Variants in MRAP2 observed in about 807,000 individuals in gnomAD.
MRAP2 encodes the protein melanocortin 2 receptor accessory protein 2.
MRAP2 carries 20 observed loss-of-function variants against 17.4 expected under a neutral mutation model. That is an observed-to-expected ratio of 1.15 (90% CI 0.81 to 1.67). The LOEUF is 1.67. Ranked by LOEUF, MRAP2 falls within the 40% of genes most tolerant of loss-of-function variation. MRAP2 has a pLI of 0.00. For synonymous variants in MRAP2, 96 were observed against 88.4 expected, an observed-to-expected ratio of 1.09 and a Z score of -0.48; for missense variants, 238 against 240.0, an observed-to-expected ratio of 0.99 and a Z score of 0.05.
chr6:84,073,046 A>G (rs958781713), intron 3 of MRAP2, among the ~76,000 whole-genome samples: 1 of 152,132 alleles, frequency 6.6e-6, no homozygotes, highest in Admixed American at 6.5e-5. Context: ...CCACCTATGG[A>G]GTCTGCACAC....
chr6:84,144,263 C>T, the MRAP2 span, among the ~76,000 whole-genome samples: 1 of 151,904 alleles, frequency 6.6e-6, no homozygotes, highest in Non-Finnish European at 1.5e-5. Context: ...GTTTAATCTT[C>T]TTTGAGTTAT....
chr6:84,045,100 C>A, intron 1 of MRAP2: 1 of 392,900 alleles, frequency 2.5e-6, no homozygotes, highest in Non-Finnish European at 3.5e-6. Flanking sequence ...AGGTTCTATG[C>A]AAATACTACA....
At chr6:84,129,074 C>T in the MRAP2 span, among the ~76,000 whole-genome samples, 2 of 152,148 alleles carry the variant, frequency 1.3e-5, no homozygotes, top group African/African-American at 4.8e-5. Context: ...GCCACATTGT[C>T]TTTATCCAAT....
In MRAP2 at chr6:84,055,392, A is replaced by G. The variant is rs754918660; in HGVS notation, c.74A>G (p.Tyr25Cys). Residue 25 changes from tyrosine to cysteine, a missense_variant, in exon 2 of 4, where the codon TAT becomes TGT. Physicochemically the swap from Tyr to Cys is radical, Grantham distance 194. Transcript: ENST00000257776. ...TCTAATTCTGATTACACCTGGGAAT[A>G]TGAATATTATGAGATTGGACCAGTT... The part of the protein sequence containing the change: ...SASNSDYTWE[Y>C]EYYEIGPVSF... 3.1e-6 allele frequency: 5 copies of G among 1,613,238 alleles called. No homozygotes were observed. Among genetic ancestry groups the G allele is most frequent in the Non-Finnish European group, 2.5e-6 (3 of 1,179,574 alleles).
chr6:84,083,356 T>G (rs57006418), intron 3 of MRAP2, among the ~76,000 whole-genome samples: 21,868 of 152,218 alleles, frequency 0.14, 1,618 homozygotes, highest in Middle Eastern at 0.23. Flanking sequence ...TTATTTCCCT[T>G]TTGATCATTT....
At chr6:84,056,058 A>T (rs1268958860) in intron 2 of MRAP2, among the ~76,000 whole-genome samples, 2 of 152,232 alleles carry the variant, frequency 1.3e-5, no homozygotes, top group Non-Finnish European at 2.9e-5. Context: ...CTGACTGGCC[A>T]GCATGGAACA....
chr6:84,035,118 C>T (rs1193110560), intron 1 of MRAP2, among the ~76,000 whole-genome samples: 4 of 152,142 alleles, frequency 2.6e-5, no homozygotes, highest in East Asian at 3.9e-4. Context: ...GAGTTGCTTC[C>T]AGTCTGTATC....
chr6:84,067,729 TG>T (rs370696194), intron 3 of MRAP2, among the ~76,000 whole-genome samples: 23 of 133,394 alleles, frequency 1.7e-4, no homozygotes, highest in East Asian at 6.0e-4. Flanking sequence ...TGGATGGAAT[TG>T]TTTTTTTTTT....
At position 84,055,636 on chromosome 6, in the gene MRAP2, G is replaced by A. The variant is rs78570198; in HGVS notation, c.127+191G>A. Among the ~76,000 whole-genome samples, 641 of 152,226 alleles carry A rather than the reference G, an allele frequency of 4.2e-3. 6 individuals are homozygous for A. The highest frequency in any genetic ancestry group is 5.9e-3 in the Non-Finnish European group (398 of 68,020). Reference sequence around the variant, plus strand: ...TCAGGAATGGTACAGGAGGGCCTTGGTGATTCTAATTGATGAAAGACTAAA... The same window carrying A: ...TCAGGAATGGTACAGGAGGGCCTTGATGATTCTAATTGATGAAAGACTAAA... On this transcript the variant is annotated intron_variant, in intron 2 of 3. Transcript: ENST00000257776.
At chr6:84,125,213 T>C in the MRAP2 span, 1 of 1,613,592 alleles carries the variant, frequency 6.2e-7, no homozygotes, top group Non-Finnish European at 8.5e-7. Context: ...TGTGCCAGTC[T>C]TTTCCATTTT....
intron 2 of MRAP2, among the ~76,000 whole-genome samples, chr6:84,055,693 G>A (rs753839689): frequency 5.3e-5 from 8 of 152,158 alleles, no homozygotes; most frequent in Non-Finnish European, 1.2e-4. Flanking sequence ...ATGAATCAAT[G>A]TCAAGCTGAG....
At chr6:84,108,055 T>C in the MRAP2 span, among the ~76,000 whole-genome samples, 1 of 152,224 alleles carries the variant, frequency 6.6e-6, no homozygotes, top group Non-Finnish European at 1.5e-5. Context: ...ATGCACAGCA[T>C]TTAGTCTTAA....
chr6:84,052,182 C>T (rs1251681424), intron 1 of MRAP2, among the ~76,000 whole-genome samples: 3 of 151,842 alleles, frequency 2.0e-5, no homozygotes, highest in African/African-American at 4.8e-5. Flanking sequence ...AATCTCGGTG[C>T]GGAGAGGGTG....
chr6:84,066,077 A>G (rs1044891793), intron 3 of MRAP2, among the ~76,000 whole-genome samples: 6 of 151,914 alleles, frequency 3.9e-5, no homozygotes, highest in African/African-American at 9.7e-5. Flanking sequence ...TCCCTGACTA[A>G]TCTTCACTTC....
At chr6:84,117,657 G>GTGTA in the MRAP2 span, among the ~76,000 whole-genome samples, 46 of 143,312 alleles carry the variant, frequency 3.2e-4, no homozygotes, top group Non-Finnish European at 3.0e-5. Context: ...GTGTCTGTGT[G>GTGTA]TGTGTGTGTG....
At chr6:84,065,019 T>C (rs566435190) in intron 3 of MRAP2, among the ~76,000 whole-genome samples, 1 of 152,278 alleles carries the variant, frequency 6.6e-6, no homozygotes, top group African/African-American at 2.4e-5. Context: ...GCACGGTGGC[T>C]CATGCCCGTA....
intron 2 of MRAP2, chr6:84,061,973 C>T: frequency 1.0e-6 from 1 of 985,338 alleles, no homozygotes; most frequent in Non-Finnish European, 1.2e-6. Flanking sequence ...AAATAAAGCA[C>T]AGGGAAAGGC....
intron 3 of MRAP2, among the ~76,000 whole-genome samples, chr6:84,064,761 A>G (rs2099494192): frequency 6.6e-6 from 1 of 152,158 alleles, no homozygotes; most frequent in Non-Finnish European, 1.5e-5. Flanking sequence ...TGCTGGGATT[A>G]CAGGCGTGAG....
At chr6:84,063,084 G>A in intron 3 of MRAP2, 92 bp downstream of exon 3, 2 of 1,574,450 alleles carry the variant, frequency 1.3e-6, no homozygotes. Context: ...GCTTCCCGTG[G>A]ATGAAGAGAA....
Sources: allele counts gnomAD v4.1 joint callset (sites outside exome capture counted in the v4.1 genomes callset), GRCh38; gene constraint gnomAD v4.1.1; transcripts MANE v1.5; gene names NCBI Gene and HGNC (gene_info 2026-07-23, HGNC 2026-07-21).